MTUS2: variants seen among roughly 807,000 people sequenced by gnomAD.
MTUS2 encodes the protein microtubule associated scaffold protein 2.
Under a neutral mutation model 114.1 loss-of-function variants are expected in MTUS2, and 40 were observed. The observed-to-expected ratio is 0.35, with a 90% CI of 0.27 to 0.46. The LOEUF (loss-of-function observed/expected upper bound fraction) is 0.46, where lower values mean the gene tolerates loss of function less well. MTUS2 is among the 20% of genes least tolerant of loss of function. The pLI, the probability that MTUS2 is intolerant of heterozygous loss-of-function variation, is 1.00. For synonymous variants in MTUS2, 688 were observed against 672.0 expected (o/e 1.02, Z -0.37); for missense variants, 1,679 against 1,705.4 (o/e 0.98, Z 0.27).
At chr13:29,458,827 C>G (rs1269886786) in intron 9 of MTUS2, among the ~76,000 whole-genome samples, 1 of 152,198 alleles carries the variant, frequency 6.6e-6, no homozygotes, top group African/African-American at 2.4e-5. Context: ...TAACAGAAAC[C>G]CCCAAACATA....
At chr13:29,220,469 C>T (rs988719395) in intron 5 of MTUS2, among the ~76,000 whole-genome samples, 7 of 152,180 alleles carry the variant, frequency 4.6e-5, no homozygotes, top group African/African-American at 1.7e-4. Flanking sequence ...TGTGACTCTT[C>T]CTTTTGACTG....
At chr13:29,179,028 G>T (rs1384855171) in intron 5 of MTUS2, among the ~76,000 whole-genome samples, 1 of 152,228 alleles carries the variant, frequency 6.6e-6, no homozygotes, top group African/African-American at 2.4e-5. Flanking sequence ...TTCAGTTACA[G>T]AAAACTGTGC....
At chr13:28,925,598 C>CT (rs1881282325) in intron 2 of MTUS2, among the ~76,000 whole-genome samples, 1 of 152,168 alleles carries the variant, frequency 6.6e-6, no homozygotes, top group African/African-American at 2.4e-5. Context: ...GAGAGAAACT[C>CT]TACCTCATGG....
intron 6 of MTUS2, among the ~76,000 whole-genome samples, chr13:29,304,602 T>C (rs1481103510): frequency 1.3e-5 from 2 of 152,178 alleles, no homozygotes; most frequent in Non-Finnish European, 2.9e-5. Flanking sequence ...TCTAAATATA[T>C]ATGCACCCAA....
intron 5 of MTUS2, among the ~76,000 whole-genome samples, chr13:29,254,154 G>C (rs1029918938): frequency 6.6e-6 from 1 of 152,174 alleles, no homozygotes; most frequent in Non-Finnish European, 1.5e-5. Context: ...GAGAGGGTTG[G>C]GTTGCAATTA....
chr13:29,360,695 C>T lies in MTUS2; in HGVS notation c.3117+1222C>T, dbSNP rs12323284. On this transcript the variant is annotated intron_variant, in intron 8 of 15. Transcript: ENST00000612955. ...TGCATAAAGTAGCCGAACACCCCCC[C>T]CCCCCCGTAAGAATTAAAGTTACAA... is the stretch of plus-strand genomic sequence containing the variant. Among the ~76,000 whole-genome samples, 75 of 139,942 alleles carry T rather than the reference C, an allele frequency of 5.4e-4. 1 individual carries two copies. Among genetic ancestry groups the T allele is most frequent in the African/African-American group, 1.9e-3 (74 of 39,378 alleles). 91.8% of individuals were successfully genotyped at this position (139,942 alleles called of 152,430 possible).
chr13:29,333,960 T>C (rs1392452987), intron 7 of MTUS2, among the ~76,000 whole-genome samples: 1 of 152,248 alleles, frequency 6.6e-6, no homozygotes, highest in Non-Finnish European at 1.5e-5. Context: ...TTTGCCTTTT[T>C]TGATCTTTGT....
At chr13:28,951,357 T>C (rs1882799588) in intron 2 of MTUS2, among the ~76,000 whole-genome samples, 1 of 152,238 alleles carries the variant, frequency 6.6e-6, no homozygotes, top group South Asian at 2.1e-4. Context: ...CATTTATTTG[T>C]CTTTTAAAAT....
chr13:29,142,555 A>G (rs965858222), intron 5 of MTUS2, among the ~76,000 whole-genome samples: 1 of 152,108 alleles, frequency 6.6e-6, no homozygotes, highest in Admixed American at 6.5e-5. Flanking sequence ...AAAATACAAA[A>G]ATTAGCTGGG....
intron 5 of MTUS2, among the ~76,000 whole-genome samples, chr13:29,226,676 A>G (rs1896118550): frequency 3.6e-5 from 2 of 56,158 alleles, no homozygotes; most frequent in African/African-American, 1.8e-4. Flanking sequence ...TAAAACTTGA[A>G]TTACCTTTAT....
intron 1 of MTUS2, among the ~76,000 whole-genome samples, chr13:28,839,566 C>G: frequency 6.6e-6 from 1 of 152,100 alleles, no homozygotes; most frequent in East Asian, 1.9e-4. Flanking sequence ...GATTAAGTAT[C>G]TCTAAAATCC....
chr13:29,095,311 G>C (rs1467812017), intron 4 of MTUS2, among the ~76,000 whole-genome samples: 4 of 152,016 alleles, frequency 2.6e-5, no homozygotes, highest in African/African-American at 9.7e-5. Flanking sequence ...ATTTTTGCTT[G>C]ATGTAATTTG....
chr13:29,044,913 C>G (rs1887546055), intron 4 of MTUS2, among the ~76,000 whole-genome samples: 1 of 152,120 alleles, frequency 6.6e-6, no homozygotes, highest in South Asian at 2.1e-4. Context: ...TACTAGAGTC[C>G]TTGTTTCCTT....
intron 6 of MTUS2, chr13:29,307,341 G>T: frequency 1.4e-6 from 1 of 712,258 alleles, no homozygotes. Context: ...AGAAGACTGT[G>T]GATGGACCAT....
intron 5 of MTUS2, among the ~76,000 whole-genome samples, chr13:29,209,761 A>G (rs575317330): frequency 3.9e-5 from 6 of 152,304 alleles, no homozygotes; most frequent in Non-Finnish European, 7.4e-5. Context: ...TAGGACCCCA[A>G]TCCCTTCTGG....
rs190275687 is a variant in MTUS2, at chr13:29,345,871, C to T, written c.2906-13391C>T. Among the ~76,000 whole-genome samples the T allele has an allele frequency of 9.2e-5, 14 of 152,090 alleles. No individual in the cohort carries two copies. The East Asian group carries it at 2.8e-3, about 30-fold the overall frequency. ...CTCCCTTGATGTGGTGTTCTCCTCC[C>T]TTCCCCTAGGGGTGGGGCTTCCTGA... On this transcript the variant is annotated intron_variant, in intron 7 of 15. Transcript: ENST00000612955.
intron 2 of MTUS2, among the ~76,000 whole-genome samples, chr13:28,960,320 G>C (rs560084709): frequency 2.1e-4 from 32 of 152,298 alleles, no homozygotes; most frequent in African/African-American, 7.5e-4. Context: ...AAGCAATTTG[G>C]TGGTTCTTCA....
intron 5 of MTUS2, among the ~76,000 whole-genome samples, chr13:29,140,517 C>G (rs1892174626): frequency 6.6e-6 from 1 of 152,202 alleles, no homozygotes; most frequent in African/African-American, 2.4e-5. Context: ...TCTGGAATGT[C>G]TTCCTGTTGT....
At chr13:29,343,747 C>T (rs2138134296) in intron 7 of MTUS2, among the ~76,000 whole-genome samples, 1 of 152,062 alleles carries the variant, frequency 6.6e-6, no homozygotes, top group South Asian at 2.1e-4. Flanking sequence ...CTTAGATTGT[C>T]TGTTTGTCCT....
Sources: gnomAD v4.1 joint callset for allele counts (sites outside exome capture counted in the v4.1 genomes callset) on GRCh38, gnomAD v4.1.1 for gene constraint, MANE v1.5 for transcripts, NCBI Gene and HGNC (gene_info 2026-07-23, HGNC 2026-07-21) for gene names.